KIF26B: variants seen among roughly 807,000 people sequenced by gnomAD.
The protein encoded by KIF26B is kinesin family member 26B.
Under a neutral mutation model 151.2 loss-of-function variants are expected in KIF26B, and 63 were observed. The observed-to-expected ratio is 0.42, with a 90% CI of 0.34 to 0.51. The LOEUF (loss-of-function observed/expected upper bound fraction) is 0.51, where lower values mean the gene tolerates loss of function less well. Ranked by LOEUF, KIF26B falls within the 20% of genes least tolerant of loss-of-function variation. KIF26B has a pLI of 0.07. For synonymous variants in KIF26B, 1,357 were observed against 1,262.1 expected (o/e 1.08, Z -1.59); for missense variants, 2,813 against 2,913.6 (o/e 0.97, Z 0.79).
intron 4 of KIF26B, among the ~76,000 whole-genome samples, chr1:245,467,282 G>A (rs1200793773): frequency 1.3e-5 from 2 of 152,170 alleles, no homozygotes; most frequent in Non-Finnish European, 2.9e-5. Flanking sequence ...AAGATGATGC[G>A]AGCTCTTTAT....
At chr1:245,528,492 T>C (rs1661291759) in intron 4 of KIF26B, among the ~76,000 whole-genome samples, 1 of 152,176 alleles carries the variant, frequency 6.6e-6, no homozygotes, top group Non-Finnish European at 1.5e-5. Context: ...GACTGTGTAC[T>C]GGCAGGTTGG....
At chr1:245,276,077 C>T (rs1670929967) in intron 2 of KIF26B, among the ~76,000 whole-genome samples, 1 of 152,252 alleles carries the variant, frequency 6.6e-6, no homozygotes, top group South Asian at 2.1e-4. Flanking sequence ...CACGGTGGCT[C>T]ATGCCTGTAA....
intron 5 of KIF26B, among the ~76,000 whole-genome samples, chr1:245,546,514 T>C (rs553619268): frequency 2.6e-5 from 4 of 152,338 alleles, no homozygotes; most frequent in South Asian, 4.1e-4. Flanking sequence ...TTCCTCATTA[T>C]TATTGCTGTC....
At chr1:245,297,874 T>TG (rs1420693928) in intron 2 of KIF26B, among the ~76,000 whole-genome samples, 3 of 117,794 alleles carry the variant, frequency 2.5e-5, no homozygotes, top group African/African-American at 1.2e-4. Flanking sequence ...TGGGCATCAG[T>TG]TTTTGTTTGT....
rs1026901258 is a variant in KIF26B at position 245,606,068 on chromosome 1, C to T, written c.1558-1583C>T. Among the ~76,000 whole-genome samples the T allele has an allele frequency of 2.0e-5, 3 of 152,294 alleles. No individual in the cohort carries two copies. In the East Asian group the frequency reaches 5.8e-4, roughly 29 times the overall value. The stretch of plus-strand genomic sequence containing the variant: ...ACGCCTCTGGCAAATTCCATCAAGA[C>T]GCTACTGCTTCTGTCTCAGGGTTAG... On this transcript the variant is annotated intron_variant, in intron 6 of 14. Transcript: ENST00000407071. The surrounding 1 kb of genome is among the most constrained non-coding windows in gnomAD (Gnocchi z 4.6).
intron 9 of KIF26B, among the ~76,000 whole-genome samples, chr1:245,618,351 C>G (rs2043616468): frequency 6.6e-6 from 1 of 151,630 alleles, no homozygotes; most frequent in African/African-American, 2.4e-5. Context: ...GTGAGCTTGT[C>G]CAAGCCCTAT....
chr1:245,336,127 G>A (rs536605441), intron 2 of KIF26B, among the ~76,000 whole-genome samples: 1 of 141,522 alleles, frequency 7.1e-6, no homozygotes, highest in South Asian at 2.3e-4. Flanking sequence ...GGAAAGAAGA[G>A]TCCCACGCAG....
At chr1:245,418,004 A>G (rs1674462254) in intron 3 of KIF26B, among the ~76,000 whole-genome samples, 1 of 152,136 alleles carries the variant, frequency 6.6e-6, no homozygotes, top group South Asian at 2.1e-4. Context: ...TGTCGCATGA[A>G]TTTGGGGGTT....
intron 10 of KIF26B, among the ~76,000 whole-genome samples, chr1:245,672,882 A>G (rs1195734626): frequency 6.6e-6 from 1 of 151,408 alleles, no homozygotes; most frequent in Non-Finnish European, 1.5e-5. Flanking sequence ...GTTTTTTTTT[A>G]AAGAATGAGA....
Position 245,698,344 on chromosome 1 carries a change from G to A in KIF26B, c.6027+36G>A. The A allele has an allele frequency of 6.3e-7, 1 of 1,580,260 alleles. No homozygotes were observed. The highest frequency in any genetic ancestry group is 8.6e-7 in the Non-Finnish European group (1 of 1,157,828). ...CTCCTTCCCACCCCCTGCCTACGTG[G>A]TGGCAGCTCCCCACCAAGCCTGAGC... On this transcript the variant is annotated intron_variant, in intron 13 of 14. Coordinates refer to ENST00000407071, the MANE Select transcript of KIF26B (RefSeq NM_018012.4). This position sits in a 1 kb window ranked among gnomAD's most constrained non-coding sequence, Gnocchi z 4.0.
chr1:245,345,900 C>T (rs1488185860), intron 2 of KIF26B, among the ~76,000 whole-genome samples: 1 of 151,732 alleles, frequency 6.6e-6, no homozygotes, highest in East Asian at 1.9e-4. Context: ...TTGTAAATTC[C>T]CCAGTCTCAG....
At chr1:245,651,122 C>T (rs2044011408) in intron 10 of KIF26B, among the ~76,000 whole-genome samples, 2 of 152,180 alleles carry the variant, frequency 1.3e-5, no homozygotes, top group African/African-American at 2.4e-5. Context: ...GCGATGAGGA[C>T]ACCCATCCTC....
chr1:245,242,535 A>G (rs1464847315), intron 2 of KIF26B, among the ~76,000 whole-genome samples: 3 of 152,246 alleles, frequency 2.0e-5, no homozygotes, highest in Admixed American at 6.5e-5. Flanking sequence ...TATATTGTGC[A>G]TGACCAGCAA....
intron 10 of KIF26B, among the ~76,000 whole-genome samples, chr1:245,672,000 G>A (rs7542243): frequency 6.6e-6 from 1 of 152,038 alleles, no homozygotes; most frequent in African/African-American, 2.4e-5. Context: ...GTCCAAAGCC[G>A]CCAAATCATC....
chr1:245,453,520 G>A (rs1192415305), intron 4 of KIF26B, among the ~76,000 whole-genome samples: 1 of 152,130 alleles, frequency 6.6e-6, no homozygotes, highest in South Asian at 2.1e-4. Context: ...TGGGGTAAAG[G>A]CTCCTAATTT....
chr1:245,670,419 GTGA>G (rs2044272130), intron 10 of KIF26B, among the ~76,000 whole-genome samples: 2 of 151,702 alleles, frequency 1.3e-5, no homozygotes, highest in Non-Finnish European at 2.9e-5. Flanking sequence ...AGTGTAGTAT[GTGA>G]TGATTTGATA....
At chr1:245,320,211 G>T (rs1196743470) in intron 2 of KIF26B, among the ~76,000 whole-genome samples, 1 of 152,196 alleles carries the variant, frequency 6.6e-6, no homozygotes, top group Non-Finnish European at 1.5e-5. Context: ...CACACACCCT[G>T]TTCAGTGCAG....
At chr1:245,475,982 A>C (rs71636551) in intron 4 of KIF26B, among the ~76,000 whole-genome samples, 14,848 of 151,878 alleles carry the variant, frequency 0.098, 1,108 homozygotes, top group African/African-American at 0.18. Context: ...CGTTAGTCAA[A>C]ATAGCCAAAA....
intron 10 of KIF26B, among the ~76,000 whole-genome samples, chr1:245,651,751 T>A (rs6669133): frequency 6.6e-6 from 1 of 151,914 alleles, no homozygotes; most frequent in East Asian, 1.9e-4. Flanking sequence ...GTGAACTGTG[T>A]GTGCGAGGGA....
Sources: allele counts gnomAD v4.1 joint callset (sites outside exome capture counted in the v4.1 genomes callset), GRCh38; gene constraint gnomAD v4.1.1; non-coding constraint Gnocchi (gnomAD v3.1); transcripts MANE v1.5; gene names NCBI Gene and HGNC (gene_info 2026-07-23, HGNC 2026-07-21).